Variants in VWC2 observed in about 807,000 individuals in gnomAD.
The protein encoded by VWC2 is von Willebrand factor C domain containing 2.
Under a neutral mutation model 29.8 loss-of-function variants are expected in VWC2, and 14 were observed. The ratio of observed to expected loss-of-function variants is 0.47; its 90% CI spans 0.31 to 0.74. The LOEUF is 0.74. Among genes scored for constraint, VWC2 ranks in the 30% least tolerant of loss-of-function variants. The pLI, the probability that VWC2 is intolerant of heterozygous loss-of-function variation, is 0.05. For missense variants in VWC2, 457 were observed against 459.8 expected (o/e 0.99, Z 0.05); for synonymous variants, 213 against 199.0 (o/e 1.07, Z -0.59).
chr7:49,899,357 A>G (rs1427052252), intron 3 of VWC2, among the ~76,000 whole-genome samples: 3 of 151,980 alleles, frequency 2.0e-5, no homozygotes, highest in African/African-American at 4.8e-5. Context: ...GGAGTTTTTT[A>G]TTTCTGGAAT....
intron 3 of VWC2, among the ~76,000 whole-genome samples, chr7:49,843,109 T>C (rs1315023248): frequency 1.3e-5 from 2 of 152,080 alleles, no homozygotes; most frequent in Non-Finnish European, 2.9e-5. Context: ...ACTGGTACCA[T>C]CTTTATGTCT....
chr7:49,900,734 G>A (rs7807923), intron 3 of VWC2, among the ~76,000 whole-genome samples: 116,074 of 151,680 alleles, frequency 0.77, 44,593 homozygotes, highest in East Asian at 0.89. Context: ...AAACATTTAA[G>A]GAAGAACTGA....
At chr7:49,910,771 CTG>C (rs1793365327) in intron 3 of VWC2, among the ~76,000 whole-genome samples, 1 of 152,078 alleles carries the variant, frequency 6.6e-6, no homozygotes. Context: ...TCATGGAAAA[CTG>C]TGAAAGATAG....
chr7:49,837,978 G>A (rs941306758), intron 3 of VWC2, among the ~76,000 whole-genome samples: 1 of 152,156 alleles, frequency 6.6e-6, no homozygotes, highest in Non-Finnish European at 1.5e-5. Context: ...TTTCTTCCCT[G>A]TACATTGATG....
At position 49,781,584 on chromosome 7, in the gene VWC2, A is replaced by G. The variant is rs116034584; in HGVS notation, c.696+5453A>G. ...AGGTCATAGAGCTAGTAAATGGTGAAGACAGGATTTGAATCCTAGCGTGTT... is the reference window on the plus strand; with the variant it reads ...AGGTCATAGAGCTAGTAAATGGTGAGGACAGGATTTGAATCCTAGCGTGTT... On this transcript the variant is annotated intron_variant, in intron 2 of 3. Transcript: ENST00000340652. Among the ~76,000 whole-genome samples, 214 of 152,298 alleles carry G rather than the reference A, an allele frequency of 1.4e-3. 2 individuals carry two copies. Among genetic ancestry groups the G allele is most frequent in the African/African-American group, 4.9e-3 (205 of 41,562 alleles).
intron 3 of VWC2, among the ~76,000 whole-genome samples, chr7:49,831,512 A>G (rs1438883409): frequency 6.6e-6 from 1 of 152,206 alleles, no homozygotes; most frequent in Non-Finnish European, 1.5e-5. Context: ...TCTGCATAGC[A>G]TGATAGGGCG....
chr7:49,887,987 C>T (rs1458151635), intron 3 of VWC2, among the ~76,000 whole-genome samples: 2 of 146,862 alleles, frequency 1.4e-5, no homozygotes, highest in African/African-American at 5.5e-5. Context: ...ATGCATTGCC[C>T]TTCACAACCA....
At chr7:49,796,774 CT>C (rs1171520762) in intron 2 of VWC2, among the ~76,000 whole-genome samples, 4 of 152,310 alleles carry the variant, frequency 2.6e-5, no homozygotes, top group African/African-American at 4.8e-5. Flanking sequence ...GGCAAAGCTT[CT>C]TACAGATGGA....
At chr7:49,778,207 C>T (rs1231266261) in intron 2 of VWC2, among the ~76,000 whole-genome samples, 1 of 151,982 alleles carries the variant, frequency 6.6e-6, no homozygotes, top group East Asian at 1.9e-4. Flanking sequence ...TCTTTGCTAC[C>T]TGTTTGGTAG....
At chr7:49,776,177 G>A (rs1481796160) in intron 2 of VWC2, 46 bp downstream of exon 2, 1 of 1,444,842 alleles carries the variant, frequency 6.9e-7, no homozygotes, top group Middle Eastern at 1.8e-4. Context: ...TTCCAGGAAG[G>A]GGTGGAACAG....
At chr7:49,812,955 G>C (rs1205341643) in intron 3 of VWC2, among the ~76,000 whole-genome samples, 1 of 152,190 alleles carries the variant, frequency 6.6e-6, no homozygotes, top group Admixed American at 6.5e-5. Context: ...GAGATAAGAA[G>C]TTGTACAGAA....
intron 3 of VWC2, among the ~76,000 whole-genome samples, chr7:49,850,102 G>A (rs1217919102): frequency 6.6e-6 from 1 of 152,156 alleles, no homozygotes; most frequent in Admixed American, 6.5e-5. Context: ...GAAAAACCAA[G>A]CCTAGCACAT....
intron 3 of VWC2, among the ~76,000 whole-genome samples, chr7:49,870,717 A>G (rs898384517): frequency 6.6e-6 from 1 of 152,224 alleles, no homozygotes; most frequent in African/African-American, 2.4e-5. Context: ...AGTAGACAAC[A>G]AAGTTTCTCC....
intron 3 of VWC2, among the ~76,000 whole-genome samples, chr7:49,872,127 A>G (rs989695527): frequency 3.9e-5 from 6 of 152,208 alleles, no homozygotes; most frequent in African/African-American, 1.4e-4. Flanking sequence ...TAACATATGG[A>G]AAGCAATTAA....
Position 49,877,130 on chromosome 7 carries a change from C to A in VWC2, c.827-34904C>A, listed in dbSNP as rs969591836. On this transcript the variant is annotated intron_variant, in intron 3 of 3. Transcript: ENST00000340652. ...AAGTGAGAAAATACATTGGAAGACA[C>A]GTATCTCTTTCCTGACACATAGTCT... Among the ~76,000 whole-genome samples, 6 of 152,058 alleles carry A rather than the reference C, an allele frequency of 3.9e-5. No individual in the cohort carries two copies. In the East Asian group the frequency reaches 1.2e-3, roughly 30 times the overall value.
intron 2 of VWC2, among the ~76,000 whole-genome samples, chr7:49,780,793 G>A (rs1049295325): frequency 6.6e-6 from 1 of 152,148 alleles, no homozygotes; most frequent in African/African-American, 2.4e-5. Flanking sequence ...ACAGGAAGGG[G>A]TACTTGGAGG....
rs558454883 is a variant in VWC2 at position 49,872,036 on chromosome 7, AAATT to A, written c.827-39994_827-39991del. 2.7e-4 allele frequency among the ~76,000 whole-genome samples: 41 copies of A among 151,914 alleles called. No individual in the cohort carries two copies. The South Asian group carries it at 3.6e-3, about 13-fold the overall frequency. ...GAATGATGAAGTAATATATAGAAAA[AAATT>A]AATAAACTAAACAAAACTAAGTAGA... On this transcript the variant is annotated intron_variant, in intron 3 of 3. Coordinates refer to ENST00000340652, the MANE Select transcript of VWC2 (RefSeq NM_198570.5).
At chr7:49,799,392 C>T (rs527862185) in intron 2 of VWC2, among the ~76,000 whole-genome samples, 25 of 152,354 alleles carry the variant, frequency 1.6e-4, no homozygotes, top group South Asian at 4.1e-4. Context: ...ACTTCAGGGC[C>T]GGTGACCAGC....
At chr7:49,805,313 A>C (rs1788851949) in intron 3 of VWC2, among the ~76,000 whole-genome samples, 1 of 152,188 alleles carries the variant, frequency 6.6e-6, no homozygotes, top group Non-Finnish European at 1.5e-5. Flanking sequence ...AGAGATTTTT[A>C]GAAGGGAGAT....
Sources: allele counts gnomAD v4.1 joint callset (sites outside exome capture counted in the v4.1 genomes callset), GRCh38; gene constraint gnomAD v4.1.1; transcripts MANE v1.5; gene names NCBI Gene and HGNC (gene_info 2026-07-23, HGNC 2026-07-21).